DNAAF1: variants seen among roughly 807,000 people sequenced by gnomAD.
DNAAF1 encodes dynein axonemal assembly factor 1.
DNAAF1 carries 65 observed loss-of-function variants against 71.1 expected under a neutral mutation model. The observed-to-expected ratio is 0.91, with a 90% CI of 0.75 to 1.12. The LOEUF is 1.12. DNAAF1 is among the 50% of genes most tolerant of loss of function. The pLI, the probability that DNAAF1 is intolerant of heterozygous loss-of-function variation, is 0.00. For synonymous variants in DNAAF1, 414 were observed against 354.6 expected (o/e 1.17, Z -1.88); for missense variants, 1,178 against 899.8 (o/e 1.31, Z -3.96).
rs765475275 is a variant in DNAAF1 at position 84,155,683 on chromosome 16, T to C, written c.675T>C (p.Leu225=). The change falls in exon 5 of 12, where the codon CTT becomes CTC. Residue 225 remains leucine, a synonymous_variant. Coordinates refer to ENST00000378553, the MANE Select transcript of DNAAF1 (RefSeq NM_178452.6). ...HLQECLRLCV[L]DLSHNKLSDP... ...AAGAGTGTTTGAGGCTTTGTGTCCT[T>C]GACCTTTCGCACAACAAGCTGAGTG... is the stretch of plus-strand genomic sequence containing the variant. The C allele has an allele frequency of 6.2e-7, 1 of 1,614,180 alleles. No homozygotes were observed. The highest frequency in any genetic ancestry group is 1.1e-5 in the South Asian group (1 of 91,084).
intron 6 of DNAAF1, among the ~76,000 whole-genome samples, chr16:84,163,808 T>A (rs2087833671): frequency 6.6e-6 from 1 of 152,180 alleles, no homozygotes; most frequent in Admixed American, 6.5e-5. Context: ...TATATCTTCT[T>A]TGGATAAATG....
At chr16:84,174,830 A>G (rs2088567031) in intron 10 of DNAAF1, 108 bp downstream of exon 10, 2 of 1,355,082 alleles carry the variant, frequency 1.5e-6, no homozygotes, top group Non-Finnish European at 2.1e-6. Context: ...CCCTGTGCAT[A>G]AAGCATTGAA....
At chr16:84,173,039 G>C (rs2088449642) in intron 9 of DNAAF1, 1 of 990,284 alleles carries the variant, frequency 1.0e-6, no homozygotes, top group African/African-American at 1.7e-5. Flanking sequence ...GGCACGAATA[G>C]GAGAGGCATT....
chr16:84,177,174 TGG>T (rs2088746665), intron 11 of DNAAF1: 1 of 184,172 alleles, frequency 5.4e-6, no homozygotes, highest in African/African-American at 2.4e-5. Context: ...GAACACTGAG[TGG>T]CCTTCTCTTC....
At chr16:84,146,642 C>T (rs144190638) in intron 1 of DNAAF1, among the ~76,000 whole-genome samples, 4 of 151,796 alleles carry the variant, frequency 2.6e-5, no homozygotes, top group Non-Finnish European at 5.9e-5. Flanking sequence ...CCCTGAACCC[C>T]GGAGGCAGAG....
intron 5 of DNAAF1, among the ~76,000 whole-genome samples, chr16:84,157,008 A>G (rs1174438513): frequency 6.6e-6 from 1 of 151,008 alleles, no homozygotes; most frequent in Non-Finnish European, 1.5e-5. Context: ...GTGCACCACC[A>G]CGTCCAGCTA....
chr16:84,147,655 G>A (rs1224646803), intron 1 of DNAAF1, among the ~76,000 whole-genome samples: 1 of 150,988 alleles, frequency 6.6e-6, no homozygotes, highest in Non-Finnish European at 1.5e-5. Flanking sequence ...AAAGAACAAA[G>A]AACATTAAAA....
intron 6 of DNAAF1, among the ~76,000 whole-genome samples, chr16:84,160,393 G>A (rs78336989): frequency 0.034 from 5,159 of 152,092 alleles, 268 homozygotes; most frequent in African/African-American, 0.12. Context: ...CAGGAACATC[G>A]TACCCTGGAC....
intron 6 of DNAAF1, among the ~76,000 whole-genome samples, chr16:84,164,456 AT>A (rs1343340728): frequency 6.6e-6 from 1 of 152,080 alleles, no homozygotes; most frequent in Non-Finnish European, 1.5e-5. Flanking sequence ...GGCAACACTG[AT>A]CTTTTTGCTG....
rs200639758 is a variant in DNAAF1 at position 84,163,386 on chromosome 16, T to TC, written c.864-2397_864-2396insC. 5.6e-3 allele frequency among the ~76,000 whole-genome samples: 825 copies of TC among 147,330 alleles called. 11 individuals are homozygous for TC. Among genetic ancestry groups the TC allele is most frequent in the African/African-American group, 0.019 (781 of 40,642 alleles). Reference sequence around the variant, plus strand: ...TTTCCTCTCTCTCTCTCTTTTTCTTTTTTTTTTTTTTTAAGATGGAGTCTT... The same window carrying TC: ...TTTCCTCTCTCTCTCTCTTTTTCTTTCTTTTTTTTTTTTAAGATGGAGTCTT... On this transcript the variant is annotated intron_variant, in intron 6 of 11. Coordinates refer to ENST00000378553, the MANE Select transcript of DNAAF1 (RefSeq NM_178452.6).
rs779928651 is a variant in DNAAF1, at chr16:84,165,868, A to C, written c.949A>C (p.Ile317Leu). ...GTGGGAGAGCAGGGAGCGGAAGAAG[A>C]TCACAGACAGCATTGAAGCCTTGGC... ...QQWESRERKK[I>L]TDSIEALAMI... The change falls in exon 7 of 12, where the codon ATC (isoleucine) becomes CTC (leucine). Residue 317 changes from isoleucine (I) to leucine (L), a missense_variant. Coordinates refer to ENST00000378553, the MANE Select transcript of DNAAF1 (RefSeq NM_178452.6). The C allele has an allele frequency of 1.9e-6, 3 of 1,613,374 alleles. No individual in the cohort carries two copies. The highest frequency in any genetic ancestry group is 1.7e-6 in the Non-Finnish European group (2 of 1,179,910).
At chr16:84,150,041 A>C (rs758197279) in intron 2 of DNAAF1, among the ~76,000 whole-genome samples, 5 of 152,154 alleles carry the variant, frequency 3.3e-5, no homozygotes, top group Non-Finnish European at 5.9e-5. Context: ...AAAAATGCTG[A>C]AAATAATATT....
intron 5 of DNAAF1, among the ~76,000 whole-genome samples, chr16:84,158,483 A>C (rs2087547408): frequency 1.3e-5 from 2 of 152,198 alleles, no homozygotes; most frequent in South Asian, 4.1e-4. Context: ...TCTTATCTCC[A>C]AATACAGTCA....
intron 11 of DNAAF1, 39 bp from the exon 12 acceptor site, chr16:84,177,690 G>A (rs763675356): frequency 6.4e-7 from 1 of 1,550,986 alleles, no homozygotes; most frequent in South Asian, 1.1e-5. Flanking sequence ...TGCAGTCACA[G>A]TGACAGGGAG....
At chr16:84,168,012 C>T (rs988571235) in intron 7 of DNAAF1, among the ~76,000 whole-genome samples, 2 of 150,380 alleles carry the variant, frequency 1.3e-5, no homozygotes, top group African/African-American at 4.9e-5. Context: ...AGCGAAACTC[C>T]ATCTCAAAAA....
At chr16:84,165,013 A>G (rs1393304688) in intron 6 of DNAAF1, among the ~76,000 whole-genome samples, 1 of 152,138 alleles carries the variant, frequency 6.6e-6, no homozygotes, top group East Asian at 1.9e-4. Flanking sequence ...AGGACACGTG[A>G]TGTGGAGCAT....
chr16:84,169,245 A>AT (rs1232667823), intron 7 of DNAAF1, among the ~76,000 whole-genome samples: 1 of 120,812 alleles, frequency 8.3e-6, no homozygotes, highest in Non-Finnish European at 1.9e-5. Context: ...AGCTATTATT[A>AT]TTTTTTTGTA....
chr16:84,155,100 G>A (rs544581189), intron 4 of DNAAF1, among the ~76,000 whole-genome samples: 1 of 152,130 alleles, frequency 6.6e-6, no homozygotes, highest in Non-Finnish European at 1.5e-5. Flanking sequence ...AGTAGAGACG[G>A]GGTTTCACCG....
intron 7 of DNAAF1, among the ~76,000 whole-genome samples, chr16:84,169,255 A>ATT (rs35230163): frequency 3.4e-5 from 5 of 146,204 alleles, no homozygotes; most frequent in East Asian, 2.0e-4. Context: ...ATTTTTTTGT[A>ATT]TTTTTTTTTC....
Sources: allele counts gnomAD v4.1 joint callset (sites outside exome capture counted in the v4.1 genomes callset), GRCh38; gene constraint gnomAD v4.1.1; transcripts MANE v1.5; gene names NCBI Gene and HGNC (gene_info 2026-07-23, HGNC 2026-07-21).